PUDP: variants seen among roughly 807,000 people sequenced by gnomAD.
The protein encoded by PUDP is pseudouridine 5'-phosphatase, also known as pseudouridine-5'-phosphatase.
A neutral mutation model predicts 9.4 loss-of-function variants in PUDP; 8 were observed. The observed-to-expected ratio is 0.85, with a 90% CI of 0.50 to 1.53. The LOEUF (loss-of-function observed/expected upper bound fraction) is 1.53, where lower values mean the gene tolerates loss of function less well. Among genes scored for constraint, PUDP ranks in the 40% most tolerant of loss-of-function variants. The probability of loss-of-function intolerance (pLI) is 0.00; values close to 1 mark genes in which losing one functional copy is unlikely to be tolerated. For synonymous variants in PUDP, 99 were observed against 80.7 expected, an observed-to-expected ratio of 1.23 and a Z score of -1.22; for missense variants, 188 against 189.7, an observed-to-expected ratio of 0.99 and a Z score of 0.05.
At chrX:7,059,288 CA>C (rs1930333281) in intron 3 of PUDP, among the ~76,000 whole-genome samples, 1 of 111,529 alleles carries the variant, frequency 9.0e-6, no homozygotes, top group Non-Finnish European at 1.9e-5. Flanking sequence ...CAAGACAGCT[CA>C]AAAAACCTTC....
intron 3 of PUDP, among the ~76,000 whole-genome samples, chrX:6,811,090 C>T (rs1056281642): frequency 9.0e-6 from 1 of 111,665 alleles, no homozygotes; most frequent in Non-Finnish European, 1.9e-5. Flanking sequence ...GCTGCTCTTA[C>T]TCATAGTCAA....
intron 3 of PUDP, among the ~76,000 whole-genome samples, chrX:6,972,837 T>C (rs1407679990): frequency 1.8e-5 from 2 of 112,001 alleles, no homozygotes; most frequent in Non-Finnish European, 3.8e-5. Context: ...TATCTGGTCC[T>C]GGGCTGTTTT....
At chrX:6,840,662 T>C (rs1926653588) in intron 3 of PUDP, among the ~76,000 whole-genome samples, 1 of 111,500 alleles carries the variant, frequency 9.0e-6, no homozygotes, top group African/African-American at 3.3e-5. Context: ...TGTATGATCC[T>C]ATAATGGTGG....
intron 2 of PUDP, among the ~76,000 whole-genome samples, chrX:7,080,918 CAA>C (rs746448938): frequency 1.3e-4 from 6 of 47,930 alleles, no homozygotes; most frequent in Non-Finnish European, 8.2e-5. Context: ...GACTCCATCT[CAA>C]AAAAAAAAAA....
intron 3 of PUDP, among the ~76,000 whole-genome samples, chrX:6,951,328 ATATC>A (rs770722570): frequency 4.6e-5 from 5 of 109,735 alleles, no homozygotes; most frequent in Admixed American, 2.0e-4. Flanking sequence ...CCCATCCATC[ATATC>A]TATCTATCGA....
intron 3 of PUDP, among the ~76,000 whole-genome samples, chrX:6,828,364 ATGTGTGTG>A (rs72476427): frequency 1.9e-5 from 2 of 107,009 alleles, no homozygotes; most frequent in Non-Finnish European, 3.9e-5. Flanking sequence ...GTTGCTATAT[ATGTGTGTG>A]TGTGTGTGTG....
chrX:6,741,907 G>A (rs1369412444), intron 3 of PUDP, among the ~76,000 whole-genome samples: 3 of 107,168 alleles, frequency 2.8e-5, no homozygotes, highest in Non-Finnish European at 5.8e-5. Flanking sequence ...CCAGGCTGGA[G>A]TGCAGTGGTG....
intron 3 of PUDP, among the ~76,000 whole-genome samples, chrX:6,963,624 A>G (rs916169982): frequency 1.3e-4 from 15 of 111,891 alleles, no homozygotes; most frequent in African/African-American, 4.9e-4. Flanking sequence ...TTTTCACATA[A>G]ACAAATATGC....
At chrX:6,720,258 G>GTATATATATATA (rs543397118) in intron 1 of PUDP, among the ~76,000 whole-genome samples, 673 of 48,664 alleles carry the variant, frequency 0.014, 4 homozygotes, top group African/African-American at 0.022. Context: ...GTGTGTGTGT[G>GTATATATATATA]TATATATATA....
At chrX:7,136,706 C>G (rs958384371) in intron 1 of PUDP, among the ~76,000 whole-genome samples, 21 of 101,709 alleles carry the variant, frequency 2.1e-4, no homozygotes, top group Non-Finnish European at 2.4e-4. Flanking sequence ...ACCCCCCCCC[C>G]CAACCCCGCC....
intron 1 of PUDP, among the ~76,000 whole-genome samples, chrX:7,143,939 T>A (rs1932822571): frequency 9.0e-6 from 1 of 111,148 alleles, no homozygotes. Context: ...AACCCAAGGG[T>A]ACACTGTCAG....
At chrX:7,098,836 G>GGCCAAGAGATGCAGGGGAGAGCTA (rs1931646566) in intron 2 of PUDP, among the ~76,000 whole-genome samples, 1 of 96,152 alleles carries the variant, frequency 1.0e-5, no homozygotes, top group African/African-American at 4.0e-5. Flanking sequence ...AGGCGGTAAG[G>GGCCAAGAGATGCAGGGGAGAGCTA]GCCAAGAGAT....
rs141721947 is a variant in PUDP, at chrX:6,718,794, T to C, written n.128+2623A>G. ...CCTTAAAAAACAAAGACTTTCTCCCTATTTCTGGACTAGAAGAGACAAACT... is the reference window on the plus strand; with the variant it reads ...CCTTAAAAAACAAAGACTTTCTCCCCATTTCTGGACTAGAAGAGACAAACT... On this transcript the variant is annotated intron_variant and non_coding_transcript_variant, in intron 1 of 2. Transcript: ENST00000438499. 4.2e-3 allele frequency among the ~76,000 whole-genome samples: 470 copies of C among 112,075 alleles called. 2 individuals are homozygous for C. The highest frequency in any genetic ancestry group is 0.014 in the African/African-American group (444 of 30,897).
intron 1 of PUDP, among the ~76,000 whole-genome samples, chrX:7,022,292 T>C (rs1439514124): frequency 3.6e-5 from 4 of 111,798 alleles, no homozygotes; most frequent in Non-Finnish European, 7.5e-5. Context: ...CAATATTGCA[T>C]GAAGTACATC....
chrX:6,745,932 C>G, intron 3 of PUDP, among the ~76,000 whole-genome samples: 1 of 112,031 alleles, frequency 8.9e-6, no homozygotes, highest in East Asian at 2.8e-4. Context: ...GCATGAGTCA[C>G]TGCCCCCTGG....
At chrX:7,085,627 T>A (rs1305106598) in intron 2 of PUDP, among the ~76,000 whole-genome samples, 1 of 112,462 alleles carries the variant, frequency 8.9e-6, no homozygotes, top group African/African-American at 3.2e-5. Flanking sequence ...TTAGCAAACT[T>A]CCTTTAAGTT....
intron 3 of PUDP, among the ~76,000 whole-genome samples, chrX:6,856,496 G>A (rs1263001795): frequency 2.7e-5 from 3 of 112,001 alleles, no homozygotes; most frequent in East Asian, 5.6e-4. Flanking sequence ...CTCAGTTCCC[G>A]CTTTAAGTTC....
At chrX:7,077,706 C>G (rs760737999) in intron 2 of PUDP, among the ~76,000 whole-genome samples, 35 of 112,753 alleles carry the variant, frequency 3.1e-4, no homozygotes, top group Non-Finnish European at 5.3e-4. Context: ...GAAGAGCGCA[C>G]TGGGAGGCAC....
intron 3 of PUDP, among the ~76,000 whole-genome samples, chrX:6,833,446 G>A (rs1475666697): frequency 9.0e-6 from 1 of 111,135 alleles, no homozygotes; most frequent in Non-Finnish European, 1.9e-5. Flanking sequence ...GAAGATAGAT[G>A]GATAGATCAT....
Sources: allele counts gnomAD v4.1 joint callset (sites outside exome capture counted in the v4.1 genomes callset), GRCh38; gene constraint gnomAD v4.1.1; transcripts MANE v1.5; gene names NCBI Gene and HGNC (gene_info 2026-07-23, HGNC 2026-07-21).